Variants in RBFOX1 observed in about 807,000 individuals in gnomAD.
The protein encoded by RBFOX1 is RNA binding protein fox-1 homolog 1.
In RBFOX1, 8 loss-of-function variants were observed where a neutral mutation model predicts 57.7. That is an observed-to-expected ratio of 0.14 (90% CI 0.08 to 0.25). RBFOX1 has a LOEUF of 0.25. Ranked by LOEUF, RBFOX1 falls within the 10% of genes least tolerant of loss-of-function variation. RBFOX1 has a pLI of 1.00. For synonymous variants in RBFOX1, 326 were observed against 222.4 expected (o/e 1.47, Z -4.15); for missense variants, 611 against 548.5 (o/e 1.11, Z -1.14).
intron 3 of RBFOX1, among the ~76,000 whole-genome samples, chr16:6,768,510 T>G (rs2077739558): frequency 6.6e-6 from 1 of 151,902 alleles, no homozygotes; most frequent in South Asian, 2.1e-4. Flanking sequence ...AAAACTACTA[T>G]GAATAGTATC....
chr16:7,429,466 C>G (rs530608093), intron 4 of RBFOX1, among the ~76,000 whole-genome samples: 9 of 152,244 alleles, frequency 5.9e-5, no homozygotes, highest in Non-Finnish European at 1.2e-4. Flanking sequence ...GCACACTGTA[C>G]TTTTCCTTCA....
intron 2 of RBFOX1, among the ~76,000 whole-genome samples, chr16:6,353,961 T>C (rs925079251): frequency 6.6e-6 from 1 of 152,160 alleles, no homozygotes; most frequent in Non-Finnish European, 1.5e-5. Flanking sequence ...AGTTCACGCC[T>C]GTAGTCCCAG....
At chr16:5,274,711 C>G (rs1300179325) in intron 1 of RBFOX1, among the ~76,000 whole-genome samples, 1 of 152,206 alleles carries the variant, frequency 6.6e-6, no homozygotes, top group Non-Finnish European at 1.5e-5. Context: ...TTTGCCTAGA[C>G]TATGGCCGCA....
chr16:6,170,614 C>T (rs186803614), intron 1 of RBFOX1, among the ~76,000 whole-genome samples: 2 of 152,178 alleles, frequency 1.3e-5, no homozygotes, highest in East Asian at 3.9e-4. Context: ...TTATTTTAGG[C>T]TCAGGGGTGC....
At chr16:7,242,182 C>G (rs936031387) in intron 4 of RBFOX1, among the ~76,000 whole-genome samples, 2 of 152,114 alleles carry the variant, frequency 1.3e-5, no homozygotes, top group East Asian at 1.9e-4. Context: ...AGGTCATGCA[C>G]TTACTGTAAG....
chr16:7,593,587 T>G (rs2094548942), intron 7 of RBFOX1, among the ~76,000 whole-genome samples: 1 of 152,054 alleles, frequency 6.6e-6, no homozygotes. Flanking sequence ...TCCCCTAAAG[T>G]AAAGAAACGT....
intron 3 of RBFOX1, among the ~76,000 whole-genome samples, chr16:6,847,109 C>G (rs2093798202): frequency 6.6e-6 from 1 of 152,172 alleles, no homozygotes; most frequent in Non-Finnish European, 1.5e-5. Flanking sequence ...TTGCCTCAGT[C>G]AACCCTGCTC....
chr16:7,667,099 G>GAAAAAGTTCCTGCAATATGA (rs1048793570), intron 13 of RBFOX1, among the ~76,000 whole-genome samples: 1 of 152,228 alleles, frequency 6.6e-6, no homozygotes, highest in African/African-American at 2.4e-5. Context: ...TCAGGTGGCA[G>GAAAAAGTTCCTGCAATATGA]AAAAAGTTCC....
At chr16:5,397,326 A>G (rs1308286751) in intron 1 of RBFOX1, among the ~76,000 whole-genome samples, 2 of 152,168 alleles carry the variant, frequency 1.3e-5, no homozygotes, top group Admixed American at 1.3e-4. Context: ...TGGGTCCTGA[A>G]AAGCTCTGGA....
intron 5 of RBFOX1, among the ~76,000 whole-genome samples, chr16:7,532,358 G>C (rs909404569): frequency 3.3e-5 from 5 of 152,192 alleles, no homozygotes; most frequent in African/African-American, 1.2e-4. Flanking sequence ...ATGAGCCCCA[G>C]AGAGTTTCTG....
intron 3 of RBFOX1, among the ~76,000 whole-genome samples, chr16:6,958,758 A>G (rs1265710752): frequency 6.6e-6 from 1 of 152,188 alleles, no homozygotes; most frequent in Non-Finnish European, 1.5e-5. Context: ...ATGCTTAAAA[A>G]TTTATGGGCA....
At chr16:6,015,109 A>G (rs1303221759), upstream of RBFOX1, among the ~76,000 whole-genome samples, 2 of 152,154 alleles carry the variant, frequency 1.3e-5, no homozygotes, top group Non-Finnish European at 2.9e-5. Context: ...TGCCCACTTC[A>G]GCCTCCCAGA....
intron 3 of RBFOX1, among the ~76,000 whole-genome samples, chr16:5,631,120 A>C (rs1486975725): frequency 6.6e-6 from 1 of 152,202 alleles, no homozygotes; most frequent in East Asian, 1.9e-4. Flanking sequence ...AAACAATCTA[A>C]AGCAAAGCAA....
At chr16:7,130,273 G>T (rs2151957182) in intron 4 of RBFOX1, among the ~76,000 whole-genome samples, 1 of 152,174 alleles carries the variant, frequency 6.6e-6, no homozygotes, top group East Asian at 1.9e-4. Context: ...GACCTCAGGT[G>T]ATCTACCCAC....
chr16:5,417,425 A>G (rs776762663), intron 1 of RBFOX1, among the ~76,000 whole-genome samples: 5 of 152,238 alleles, frequency 3.3e-5, no homozygotes, highest in African/African-American at 9.6e-5. Context: ...TAGAAAGCAC[A>G]TTTCTGCAGA....
chr16:7,500,570 C>T (rs903538819), intron 4 of RBFOX1, among the ~76,000 whole-genome samples: 20 of 152,132 alleles, frequency 1.3e-4, no homozygotes, highest in Non-Finnish European at 1.3e-4. Context: ...ATGAAAATAT[C>T]TTAGGGAACA....
intron 4 of RBFOX1, among the ~76,000 whole-genome samples, chr16:6,007,735 C>T (rs1351691063): frequency 6.6e-6 from 1 of 152,066 alleles, no homozygotes; most frequent in Non-Finnish European, 1.5e-5. Context: ...GCCCCAGAAG[C>T]CTGGAAGATA....
At chr16:7,270,813 C>T (rs1286968010) in intron 4 of RBFOX1, among the ~76,000 whole-genome samples, 2 of 152,142 alleles carry the variant, frequency 1.3e-5, no homozygotes, top group Admixed American at 1.3e-4. Flanking sequence ...TCAACTTTCC[C>T]CGCTTTCTCC....
At chr16:6,903,702 C>T (rs934070065) in intron 3 of RBFOX1, among the ~76,000 whole-genome samples, 2 of 152,072 alleles carry the variant, frequency 1.3e-5, no homozygotes, top group Non-Finnish European at 2.9e-5. Flanking sequence ...TCTTTAAGGG[C>T]AGCAGAGCAA....
Sources: gnomAD v4.1 joint callset for allele counts (sites outside exome capture counted in the v4.1 genomes callset) on GRCh38, gnomAD v4.1.1 for gene constraint, MANE v1.5 for transcripts, NCBI Gene and HGNC (gene_info 2026-07-23, HGNC 2026-07-21) for gene names.